The following MEI4 variants were observed in gnomAD, a reference collection of about 807,000 sequenced individuals.
The protein encoded by MEI4 is meiosis-specific protein MEI4.
A neutral mutation model predicts 31.4 loss-of-function variants in MEI4; 27 were observed. The ratio of observed to expected loss-of-function variants is 0.86; its 90% CI spans 0.63 to 1.19. MEI4 has a LOEUF of 1.19. Among genes scored for constraint, MEI4 ranks in the 50% most tolerant of loss-of-function variants. The pLI is 0.00. For missense variants in MEI4, 329 were observed against 398.9 expected, an observed-to-expected ratio of 0.82 and a Z score of 1.49; for synonymous variants, 122 against 145.4, an observed-to-expected ratio of 0.84 and a Z score of 1.16.
intron 2 of MEI4, among the ~76,000 whole-genome samples, chr6:77,756,174 C>T (rs544949601): frequency 6.6e-6 from 1 of 152,146 alleles, no homozygotes; most frequent in African/African-American, 2.4e-5. Flanking sequence ...TATGTCCATG[C>T]TGTATATTAC....
intron 2 of MEI4, among the ~76,000 whole-genome samples, chr6:77,748,377 C>T (rs1336404606): frequency 2.0e-5 from 3 of 152,220 alleles, no homozygotes; most frequent in African/African-American, 2.4e-5. Flanking sequence ...GCAGGCCCAA[C>T]ACCATGTGGA....
At chr6:77,710,867 T>C (rs558466668) in intron 2 of MEI4, among the ~76,000 whole-genome samples, 11 of 152,324 alleles carry the variant, frequency 7.2e-5, no homozygotes, top group Middle Eastern at 3.4e-3. Flanking sequence ...TAGGGTGAAC[T>C]ATTATTTTTT....
chr6:77,899,975 G>T (rs1405606376), intron 4 of MEI4, among the ~76,000 whole-genome samples: 2 of 149,746 alleles, frequency 1.3e-5, no homozygotes, highest in African/African-American at 4.9e-5. Context: ...GGCTGATCAA[G>T]AATTTTTAAA....
intron 2 of MEI4, among the ~76,000 whole-genome samples, chr6:77,740,975 G>C (rs1471655034): frequency 6.6e-6 from 1 of 152,084 alleles, no homozygotes; most frequent in East Asian, 1.9e-4. Flanking sequence ...AATGAGTACA[G>C]TAATATAATT....
intron 3 of MEI4, among the ~76,000 whole-genome samples, chr6:77,802,215 C>T (rs1162220338): frequency 6.6e-6 from 1 of 152,036 alleles, no homozygotes; most frequent in African/African-American, 2.4e-5. Context: ...ATCCCTTTAC[C>T]CTTATGTAAT....
At chr6:77,839,005 G>A (rs1056230578) in intron 4 of MEI4, among the ~76,000 whole-genome samples, 3 of 151,972 alleles carry the variant, frequency 2.0e-5, no homozygotes, top group Non-Finnish European at 1.5e-5. Context: ...TGCGGAATAC[G>A]TTTCTCATTT....
At chr6:77,761,692 C>A in intron 3 of MEI4, 27 bp downstream of exon 3, 1 of 1,209,778 alleles carries the variant, frequency 8.3e-7, no homozygotes, top group South Asian at 4.3e-5. Context: ...TCTTTTATTC[C>A]TAAAATGCTA....
At chr6:77,838,897 C>G (rs746114187) in intron 4 of MEI4, among the ~76,000 whole-genome samples, 1 of 149,802 alleles carries the variant, frequency 6.7e-6, no homozygotes, top group African/African-American at 2.5e-5. Context: ...GAGCGAAACT[C>G]TATCTCAAAA....
intron 3 of MEI4, among the ~76,000 whole-genome samples, chr6:77,788,176 G>C (rs867162882): frequency 2.0e-5 from 3 of 152,174 alleles, no homozygotes. Context: ...AATAGATGCA[G>C]AAAAGGCCTT....
At chr6:77,916,107 T>G (rs904568855) in intron 4 of MEI4, among the ~76,000 whole-genome samples, 2 of 151,162 alleles carry the variant, frequency 1.3e-5, no homozygotes, top group Non-Finnish European at 3.0e-5. Flanking sequence ...AAAATTTAAG[T>G]TCTTTTTAAT....
intron 3 of MEI4, among the ~76,000 whole-genome samples, chr6:77,817,584 T>G (rs907057966): frequency 1.3e-5 from 2 of 152,258 alleles, no homozygotes; most frequent in Admixed American, 6.5e-5. Flanking sequence ...CTTTATAGAC[T>G]TTAAAACCTA....
intron 2 of MEI4, among the ~76,000 whole-genome samples, chr6:77,732,075 T>C (rs1767015312): frequency 6.6e-6 from 1 of 150,678 alleles, no homozygotes; most frequent in Non-Finnish European, 1.5e-5. Flanking sequence ...GCCTCCAGCT[T>C]TGTTCTTTTG....
At chr6:77,838,211 A>C (rs1417470844) in intron 4 of MEI4, among the ~76,000 whole-genome samples, 1 of 152,172 alleles carries the variant, frequency 6.6e-6, no homozygotes, top group Non-Finnish European at 1.5e-5. Flanking sequence ...TTTTTAAACC[A>C]TCTTCTGTGG....
chr6:77,730,659 G>C (rs1230563029), intron 2 of MEI4, among the ~76,000 whole-genome samples: 2 of 150,890 alleles, frequency 1.3e-5, no homozygotes, highest in Non-Finnish European at 2.9e-5. Flanking sequence ...TAAGTTTTAG[G>C]GTACACGTGC....
At chr6:77,770,820 A>T (rs1190535228) in intron 3 of MEI4, among the ~76,000 whole-genome samples, 2 of 152,094 alleles carry the variant, frequency 1.3e-5, no homozygotes, top group African/African-American at 4.8e-5. Context: ...CAAACAAAAA[A>T]AATAACTGCT....
upstream of MEI4, among the ~76,000 whole-genome samples, chr6:77,650,451 G>T (rs1443884035): frequency 6.6e-6 from 1 of 152,190 alleles, no homozygotes; most frequent in Non-Finnish European, 1.5e-5. Flanking sequence ...GCGTTTCCCC[G>T]CTGGCTCTGG....
intron 1 of MEI4, among the ~76,000 whole-genome samples, chr6:77,682,550 C>T (rs979465325): frequency 2.0e-5 from 3 of 152,102 alleles, no homozygotes; most frequent in Non-Finnish European, 4.4e-5. Context: ...ATTAAGTTCC[C>T]TTCAGAACCT....
At chr6:77,735,639 A>G (rs992325252) in intron 2 of MEI4, among the ~76,000 whole-genome samples, 4 of 152,018 alleles carry the variant, frequency 2.6e-5, no homozygotes, top group African/African-American at 7.3e-5. Flanking sequence ...TAGCTTGTCA[A>G]AGTCATTCTC....
In MEI4 at chr6:77,900,295, T is replaced by G. The variant is rs1766162360; in HGVS notation, c.901-22794T>G. 1.3e-5 allele frequency among the ~76,000 whole-genome samples: 2 copies of G among 152,018 alleles called. 1 individual carries two copies. The highest frequency in any genetic ancestry group is 4.1e-4 in the South Asian group (2 of 4,832). ...ACAGTAGGGAGATTCCTCAAAATAT[T>G]AAAATATTTCTACCATATGTTCCAA... On this transcript the variant is annotated intron_variant, in intron 4 of 4. Transcript: ENST00000684080.
Sources: allele counts gnomAD v4.1 joint callset (sites outside exome capture counted in the v4.1 genomes callset), GRCh38; gene constraint gnomAD v4.1.1; transcripts MANE v1.5; gene names NCBI Gene and HGNC (gene_info 2026-07-23, HGNC 2026-07-21).